Variants in SYMPK observed in about 807,000 individuals in gnomAD.
The protein encoded by SYMPK is symplekin scaffold protein, also known as symplekin.
Under a neutral mutation model 136.4 loss-of-function variants are expected in SYMPK, and 49 were observed. The observed-to-expected ratio is 0.36, with a 90% CI of 0.29 to 0.46. The LOEUF is 0.46. SYMPK is among the 20% of genes least tolerant of loss of function. The pLI is 1.00. For synonymous variants in SYMPK, 766 were observed against 713.0 expected, an observed-to-expected ratio of 1.07 and a Z score of -1.19; for missense variants, 1,365 against 1,690.0, an observed-to-expected ratio of 0.81 and a Z score of 3.37.
At chr19:45,856,351 G>A (rs1160536278) in intron 1 of SYMPK, among the ~76,000 whole-genome samples, 2 of 152,056 alleles carry the variant, frequency 1.3e-5, no homozygotes, top group Non-Finnish European at 2.9e-5. Flanking sequence ...AAAAAAAAAG[G>A]TGAATCTCAG....
intron 1 of SYMPK, among the ~76,000 whole-genome samples, chr19:45,857,503 T>C (rs1971856260): frequency 6.6e-6 from 1 of 151,634 alleles, no homozygotes; most frequent in Non-Finnish European, 1.5e-5. Context: ...TACTTTTTTC[T>C]TTTTTTGAGA....
chr19:45,816,042 C>T lies in SYMPK; in HGVS notation c.3496G>A (p.Ala1166Thr). Residue 1166 changes from alanine to threonine, a missense_variant, in exon 26 of 27, where the codon GCC (alanine) becomes ACC (threonine). By Grantham distance (58) the Ala-to-Thr change is moderately conservative (BLOSUM62 0). Around this residue, in one of 11 missense-constraint regions of SYMPK, gnomAD observed 341 missense variants for 270.5 expected, o/e 1.26. Transcript: ENST00000245934. ...GGAGAGGGGGAGGAAGAGGAGGGGG[C>T]TCCCACTCCTCCCGGCTTCAGCTTC... is the stretch of plus-strand genomic sequence containing the variant. ...EQKLKPGGVG[A>T]PSSSSPSPSP... 6.4e-7 allele frequency: 1 copy of T among 1,570,486 alleles called. No homozygotes were observed. The highest frequency in any genetic ancestry group is 8.6e-7 in the Non-Finnish European group (1 of 1,157,260).
At position 45,821,539 on chromosome 19, in the gene SYMPK, G is replaced by C; in HGVS notation, c.2792-54C>G. On this transcript the variant is annotated intron_variant, in intron 21 of 26. Transcript: ENST00000245934. This position sits in a 1 kb window ranked among gnomAD's most constrained non-coding sequence, Gnocchi z 4.4. ...AAGACAGTGCGGACGCATAAGTGAAGAGATGGGTCTGAGTTCCCCAGATCG... is the reference window on the plus strand; with the variant it reads ...AAGACAGTGCGGACGCATAAGTGAACAGATGGGTCTGAGTTCCCCAGATCG... The C allele has an allele frequency of 7.9e-7, 1 of 1,266,942 alleles. No homozygotes were observed. The highest frequency in any genetic ancestry group is 1.1e-6 in the Non-Finnish European group (1 of 874,970). 78.5% of individuals were successfully genotyped at this position (1,266,942 alleles called of 1,614,324 possible). A position where few individuals can be genotyped will look rare whatever the true frequency, so the allele number is the denominator to read the frequency against.
intron 7 of SYMPK, among the ~76,000 whole-genome samples, chr19:45,845,272 T>C (rs184424156): frequency 6.0e-4 from 91 of 152,056 alleles, no homozygotes; most frequent in African/African-American, 2.2e-3. Flanking sequence ...GCCACCATGC[T>C]TGGCTATCAA....
At chr19:45,850,121 T>A (rs1287972051) in intron 5 of SYMPK, among the ~76,000 whole-genome samples, 1 of 151,866 alleles carries the variant, frequency 6.6e-6, no homozygotes, top group Non-Finnish European at 1.5e-5. Flanking sequence ...GGCAGGCACC[T>A]GTAATCCCAG....
At chr19:45,840,654 A>C (rs561180372) in intron 9 of SYMPK, among the ~76,000 whole-genome samples, 1 of 151,376 alleles carries the variant, frequency 6.6e-6, no homozygotes, top group African/African-American at 2.4e-5. Context: ...CAAGAGTGAA[A>C]CTCCATCTTT....
chr19:45,827,880 G>C lies in SYMPK; in HGVS notation c.2024C>G (p.Thr675Arg), dbSNP rs1971083641. The C allele has an allele frequency of 2.5e-6, 4 of 1,613,910 alleles. No individual in the cohort carries two copies. In the South Asian group the frequency reaches 3.3e-5, roughly 13 times the overall value. ...TKVVLEAPLI[T>R]ESALEVVRKY... is the part of the protein sequence containing the mutation. ...GCGGACCACCTCCAGGGCACTCTCT[G>C]TGATGAGTGGCGCCTCCAGCACAAC... The change falls in exon 15 of 27, where the codon ACA becomes AGA. Residue 675 changes from threonine (T) to arginine (R), a missense_variant. Physicochemically the swap from Thr to Arg is moderately conservative, Grantham distance 71. Transcript: ENST00000245934.
At chr19:45,841,933 G>T (rs991586751) in intron 9 of SYMPK, among the ~76,000 whole-genome samples, 1 of 151,652 alleles carries the variant, frequency 6.6e-6, no homozygotes, top group African/African-American at 2.4e-5. Context: ...TTTATTAAAC[G>T]TATATTTTGA....
chr19:45,846,144 G>A (rs1442898807), intron 7 of SYMPK, among the ~76,000 whole-genome samples: 2 of 152,190 alleles, frequency 1.3e-5, no homozygotes, highest in Admixed American at 1.3e-4. Flanking sequence ...GCTGAGGCAG[G>A]AGAATGGCGT....
intron 21 of SYMPK, 123 bp downstream of exon 21, chr19:45,822,633 C>T: frequency 2.7e-6 from 2 of 738,748 alleles, no homozygotes; most frequent in Non-Finnish European, 4.6e-6. Context: ...ATGTCCAGTA[C>T]AGCTGGTGTC....
At chr19:45,823,043 A>G (rs1438487237) in intron 20 of SYMPK, among the ~76,000 whole-genome samples, 197 bp from the exon 21 acceptor site, 3 of 152,034 alleles carry the variant, frequency 2.0e-5, no homozygotes, top group African/African-American at 7.2e-5. Flanking sequence ...TGCATGTCAC[A>G]TGTGTGTGCC....
Position 45,827,592 on chromosome 19 carries a change from C to G in SYMPK, c.2099G>C (p.Arg700Pro). The change falls in exon 16 of 27, where the codon CGA (arginine) becomes CCA (proline). Residue 700 changes from arginine to proline, a missense_variant. Physicochemically the swap from Arg to Pro is moderately radical, Grantham distance 103. Coordinates refer to ENST00000245934, the MANE Select transcript of SYMPK (RefSeq NM_004819.3). ...SRTYLGMSTL[R>P]DLIFKRPSRQ... The stretch of plus-strand genomic sequence containing the variant: ...GGACGGGCGCTTGAAGATCAGGTCT[C>G]GAAGTGTGGACATGCCCAGATAGGT... 2 of 1,614,120 alleles carry G rather than the reference C, an allele frequency of 1.2e-6. No homozygotes were observed. The highest frequency in any genetic ancestry group is 1.1e-5 in the South Asian group (1 of 91,088).
At chr19:45,856,202 C>T (rs1266654150) in intron 1 of SYMPK, among the ~76,000 whole-genome samples, 1 of 151,824 alleles carries the variant, frequency 6.6e-6, no homozygotes, top group African/African-American at 2.4e-5. Context: ...AAAAATACAA[C>T]AGTTAGCTGA....
At chr19:45,852,114 G>A (rs545201627) in intron 5 of SYMPK, among the ~76,000 whole-genome samples, 198 bp downstream of exon 5, 2 of 152,284 alleles carry the variant, frequency 1.3e-5, no homozygotes, top group South Asian at 4.1e-4. Flanking sequence ...TGTGAAGTGT[G>A]GAAGAAGCAG....
Position 45,823,474 on chromosome 19 carries a change from T to C in SYMPK, c.2600-2A>G. On this transcript the variant is annotated splice_acceptor_variant, in intron 19 of 26. Coordinates refer to ENST00000245934, the MANE Select transcript of SYMPK (RefSeq NM_004819.3). LOFTEE classifies it high-confidence loss of function. Reference sequence around the variant, plus strand: ...TCACCAGCTCTGGGGAGGGTGGGACTGCATGGAAGCAGCAGGAGGCACCAA... The same window carrying C: ...TCACCAGCTCTGGGGAGGGTGGGACCGCATGGAAGCAGCAGGAGGCACCAA... 6.2e-7 allele frequency: 1 copy of C among 1,613,468 alleles called. No homozygotes were observed. The highest frequency in any genetic ancestry group is 8.5e-7 in the Non-Finnish European group (1 of 1,179,836).
intron 14 of SYMPK, 45 bp downstream of exon 14, chr19:45,828,925 A>G (rs774256207): frequency 7.6e-5 from 120 of 1,580,474 alleles, no homozygotes; most frequent in Middle Eastern, 5.3e-4. Context: ...GCACCAGGAG[A>G]GGAAGCCTCT....
intron 1 of SYMPK, among the ~76,000 whole-genome samples, chr19:45,860,047 T>C (rs1971926142): frequency 6.6e-6 from 1 of 150,988 alleles, no homozygotes; most frequent in South Asian, 2.1e-4. Context: ...GGAGGATTGT[T>C]TGAGCCTGGT....
At chr19:45,830,505 T>C (rs894175621) in intron 12 of SYMPK, 2 of 351,040 alleles carry the variant, frequency 5.7e-6, no homozygotes, top group Admixed American at 7.6e-5. Context: ...CAAAGGCCCT[T>C]AGGTGGGAAC....
chr19:45,856,949 C>G (rs1223373814), intron 1 of SYMPK, among the ~76,000 whole-genome samples: 1 of 151,650 alleles, frequency 6.6e-6, no homozygotes, highest in Non-Finnish European at 1.5e-5. Context: ...AAACACTGTT[C>G]CCTACTAAAA....
Sources: allele counts gnomAD v4.1 joint callset (sites outside exome capture counted in the v4.1 genomes callset), GRCh38; gene constraint gnomAD v4.1.1; regional missense constraint gnomAD v4.1.1; non-coding constraint Gnocchi (gnomAD v3.1); transcripts MANE v1.5; gene names NCBI Gene and HGNC (gene_info 2026-07-23, HGNC 2026-07-21).